The following CCNY variants were observed in gnomAD, a reference collection of about 807,000 sequenced individuals.
CCNY encodes cyclin Y.
CCNY carries 19 observed loss-of-function variants against 42.8 expected under a neutral mutation model. That is an observed-to-expected ratio of 0.44 (90% CI 0.31 to 0.65). The LOEUF (loss-of-function observed/expected upper bound fraction) is 0.65. Ranked by LOEUF, CCNY falls within the 30% of genes least tolerant of loss-of-function variation. The pLI, the probability that CCNY is intolerant of heterozygous loss-of-function variation, is 0.07. For missense variants in CCNY, 370 were observed against 437.3 expected, an observed-to-expected ratio of 0.85 and a Z score of 1.37; for synonymous variants, 165 against 162.7, an observed-to-expected ratio of 1.01 and a Z score of -0.11.
chr10:35,516,666 T>A, intron 4 of CCNY, 43 bp downstream of exon 4: 2 of 770,056 alleles, frequency 2.6e-6, no homozygotes, highest in African/African-American at 2.6e-5. Context: ...CCTTCCTTTT[T>A]TTTTTTTTTT....
chr10:35,436,957 T>A (rs1001966098), intron 1 of CCNY, among the ~76,000 whole-genome samples: 3 of 152,236 alleles, frequency 2.0e-5, no homozygotes, highest in African/African-American at 7.2e-5. Context: ...CAGTTCCACA[T>A]GGCTGGAGAG....
intron 1 of CCNY, among the ~76,000 whole-genome samples, chr10:35,476,850 A>T (rs1185177311): frequency 2.0e-5 from 3 of 152,020 alleles, no homozygotes; most frequent in Non-Finnish European, 4.4e-5. Flanking sequence ...ATCCAGGAGC[A>T]GGTTTTCTGA....
chr10:35,354,798 T>C (rs1439017387), intron 1 of CCNY, among the ~76,000 whole-genome samples: 2 of 152,204 alleles, frequency 1.3e-5, no homozygotes, highest in Non-Finnish European at 2.9e-5. Context: ...CATGAGGAAC[T>C]GGACTTGGAA....
chr10:35,500,782 A>AGAAACACTGGTATCTGG (rs1840095609), intron 2 of CCNY, among the ~76,000 whole-genome samples: 1 of 152,222 alleles, frequency 6.6e-6, no homozygotes, highest in Non-Finnish European at 1.5e-5. Context: ...TCCCATTCTG[A>AGAAACACTGGTATCTGG]GAAACACTGG....
intron 3 of CCNY, among the ~76,000 whole-genome samples, chr10:35,307,089 C>T (rs1835615546): frequency 6.6e-6 from 1 of 152,194 alleles, no homozygotes; most frequent in Admixed American, 6.5e-5. Context: ...GCTCACTAAC[C>T]TTGTGCCCTC....
At chr10:35,433,698 G>A (rs556862336) in intron 1 of CCNY, among the ~76,000 whole-genome samples, 22 of 152,190 alleles carry the variant, frequency 1.4e-4, no homozygotes, top group African/African-American at 4.3e-4. Flanking sequence ...TGCATTCTCC[G>A]CCTCCTGGGT....
chr10:35,426,572 G>A (rs1055581670), intron 1 of CCNY, among the ~76,000 whole-genome samples: 3 of 152,196 alleles, frequency 2.0e-5, no homozygotes, highest in Non-Finnish European at 4.4e-5. Context: ...GCTGTGTTTA[G>A]GAAGGCAGGA....
At chr10:35,290,012 T>A (rs1368196426) in intron 3 of CCNY, among the ~76,000 whole-genome samples, 1 of 151,440 alleles carries the variant, frequency 6.6e-6, no homozygotes, top group Non-Finnish European at 1.5e-5. Context: ...GATCACGAGG[T>A]CAGGAAATCA....
intron 3 of CCNY, among the ~76,000 whole-genome samples, chr10:35,309,667 T>C (rs977423630): frequency 6.6e-6 from 1 of 152,194 alleles, no homozygotes; most frequent in Non-Finnish European, 1.5e-5. Context: ...GTGATTCTCC[T>C]GTCTCAGCCT....
intron 7 of CCNY, 103 bp from the exon 8 acceptor site, chr10:35,552,916 C>T (rs554034549): frequency 1.8e-6 from 2 of 1,142,336 alleles, no homozygotes; most frequent in South Asian, 1.5e-5. Context: ...TAATAAATTC[C>T]CATTTAAAGG....
chr10:35,559,955 G>T (rs1244600502), intron 8 of CCNY, among the ~76,000 whole-genome samples: 3 of 152,216 alleles, frequency 2.0e-5, no homozygotes, highest in Admixed American at 1.3e-4. Flanking sequence ...TAGATTTCGG[G>T]CTTGCTGGAC....
At chr10:35,397,527 T>C (rs868246701) in intron 1 of CCNY, among the ~76,000 whole-genome samples, 16 of 152,010 alleles carry the variant, frequency 1.1e-4, no homozygotes, top group Middle Eastern at 3.2e-3. Flanking sequence ...TGGCCCTGGA[T>C]TGGGGAGGAG....
chr10:35,323,778 G>A (rs915258645), intron 3 of CCNY, among the ~76,000 whole-genome samples: 120 of 152,228 alleles, frequency 7.9e-4, no homozygotes, highest in Middle Eastern at 3.4e-3. Context: ...CAGCATGTCC[G>A]GAGGCCAGGG....
chr10:35,490,399 C>A (rs945879384), intron 2 of CCNY, among the ~76,000 whole-genome samples: 1 of 152,206 alleles, frequency 6.6e-6, no homozygotes, highest in Non-Finnish European at 1.5e-5. Context: ...TTTTGCAATT[C>A]ACATAACATG....
At chr10:35,456,551 T>C (rs1839039465) in intron 1 of CCNY, among the ~76,000 whole-genome samples, 1 of 152,222 alleles carries the variant, frequency 6.6e-6, no homozygotes, top group East Asian at 1.9e-4. Flanking sequence ...TTGCCTATTA[T>C]CCATCCTTCC....
Position 35,516,589 on chromosome 10 carries a change from G to C in CCNY, c.331G>C (p.Val111Leu). ...CACCATTTTCCTAGATGATAGCACA[G>C]TCAGTCAACCAAACCTCAAGTATAC... ...CSTIFLDDST[V>L]SQPNLKYTIK... is the part of the protein sequence containing the mutation. The change falls in exon 4 of 10, where the codon GTC (valine) becomes CTC (leucine). Residue 111 changes from valine to leucine, a missense_variant. Coordinates refer to ENST00000374704, the MANE Select transcript of CCNY (RefSeq NM_145012.6). 1 of 1,591,982 alleles carries C rather than the reference G, an allele frequency of 6.3e-7. No individual in the cohort carries two copies. The highest frequency in any genetic ancestry group is 8.6e-7 in the Non-Finnish European group (1 of 1,167,412).
At chr10:35,283,408 T>G (rs1210211161) in intron 3 of CCNY, among the ~76,000 whole-genome samples, 2 of 152,114 alleles carry the variant, frequency 1.3e-5, no homozygotes, top group Non-Finnish European at 2.9e-5. Context: ...GGACAGTTTT[T>G]TTTTTTTTTA....
chr10:35,529,457 G>A (rs1840719062), intron 5 of CCNY, among the ~76,000 whole-genome samples: 1 of 152,110 alleles, frequency 6.6e-6, no homozygotes, highest in African/African-American at 2.4e-5. Flanking sequence ...AGCTAAGTGT[G>A]GTTTATAACC....
intron 4 of CCNY, among the ~76,000 whole-genome samples, chr10:35,524,101 A>T (rs913893516): frequency 6.6e-6 from 1 of 152,212 alleles, no homozygotes; most frequent in African/African-American, 2.4e-5. Flanking sequence ...GTCAAAACAG[A>T]AGGGCACACA....
Sources: gnomAD v4.1 joint callset for allele counts (sites outside exome capture counted in the v4.1 genomes callset) on GRCh38, gnomAD v4.1.1 for gene constraint, MANE v1.5 for transcripts, NCBI Gene and HGNC (gene_info 2026-07-23, HGNC 2026-07-21) for gene names.